C10orf105: variants seen among roughly 807,000 people sequenced by gnomAD.
The protein encoded by C10orf105 is chromosome 10 open reading frame 105, also known as uncharacterized protein C10orf105.
C10orf105 carries 2 observed loss-of-function variants against 0.6 expected under a neutral mutation model. The ratio of observed to expected loss-of-function variants is 3.18; its 90% CI spans 1.30 to 10.01. C10orf105 has a LOEUF of 10.01. Among genes scored for constraint, C10orf105 ranks in the 30% most tolerant of loss-of-function variants. C10orf105 has a pLI of 0.04. For synonymous variants in C10orf105, 95 were observed against 82.4 expected, an observed-to-expected ratio of 1.15 and a Z score of -0.83; for missense variants, 209 against 191.4, an observed-to-expected ratio of 1.09 and a Z score of -0.54.
chr10:71,719,100 A>T (rs1866430259), intron 1 of C10orf105, among the ~76,000 whole-genome samples: 1 of 152,238 alleles, frequency 6.6e-6, no homozygotes, highest in South Asian at 2.1e-4. Flanking sequence ...AATAAAAAAA[A>T]AATAAGTGGA....
intron 1 of C10orf105, among the ~76,000 whole-genome samples, chr10:71,736,215 C>G (rs1371776634): frequency 3.3e-5 from 5 of 152,264 alleles, no homozygotes; most frequent in African/African-American, 1.2e-4. Context: ...GGCCCACCCC[C>G]TTTTGTTCTG....
At chr10:71,720,420 AACAC>A (rs57346519), upstream of C10orf105, among the ~76,000 whole-genome samples, 15 of 145,836 alleles carry the variant, frequency 1.0e-4, no homozygotes, top group South Asian at 1.1e-3. Context: ...CTCTTTCCAA[AACAC>A]ACACACACAC....
At chr10:71,735,438 A>G (rs1230618660) in intron 1 of C10orf105, among the ~76,000 whole-genome samples, 4 of 152,080 alleles carry the variant, frequency 2.6e-5, no homozygotes, top group Non-Finnish European at 5.9e-5. Context: ...TGGGGTTGCA[A>G]TGGGAGTGGG....
rs751046027 is a variant in C10orf105, at chr10:71,725,409, T to G, written c.-5-9067A>C. 5.6e-6 allele frequency: 9 copies of G among 1,614,028 alleles called. No homozygotes were observed. Among genetic ancestry groups the G allele is most frequent in the Admixed American group, 3.3e-5 (2 of 60,034 alleles). ...ACAACTTCCGGATCCATGTCAGCAA[T>G]GGGCTCCTGATGCGAGGGCCCCGGC... On this transcript the variant is annotated intron_variant, in intron 1 of 1. Coordinates refer to the C10orf105 transcript ENST00000398786.
chr10:71,725,026 T>G (rs1866742465), intron 1 of C10orf105, among the ~76,000 whole-genome samples: 1 of 152,072 alleles, frequency 6.6e-6, no homozygotes, highest in African/African-American at 2.4e-5. Flanking sequence ...TCTGAAATAT[T>G]AAAAAGGCCT....
chr10:71,735,756 G>A (rs974154042), intron 1 of C10orf105, among the ~76,000 whole-genome samples: 2 of 152,220 alleles, frequency 1.3e-5, no homozygotes, highest in Admixed American at 1.3e-4. Context: ...CACTGGTTGT[G>A]GCTGGGCCAT....
chr10:71,715,228 C>G lies in C10orf105; in HGVS notation c.*708G>C, dbSNP rs761474522. 1 of 152,356 alleles carries G rather than the reference C, an allele frequency of 6.6e-6. No individual in the cohort carries two copies. Among genetic ancestry groups the G allele is most frequent in the Non-Finnish European group, 1.5e-5 (1 of 68,112 alleles). 9.4% of individuals were successfully genotyped at this position (152,356 alleles called of 1,614,324 possible). ...ACCCGCCCTGGCCTCTGAAGGGAGCCTCCTCGATCATCTTCAATCCCTTCC... is the reference window on the plus strand; with the variant it reads ...ACCCGCCCTGGCCTCTGAAGGGAGCGTCCTCGATCATCTTCAATCCCTTCC... On this transcript the variant is annotated 3_prime_UTR_variant, in exon 2 of 2. Transcript: ENST00000441508.
At chr10:71,737,642 G>A in intron 1 of C10orf105, 1 of 464,662 alleles carries the variant, frequency 2.2e-6, no homozygotes, top group Non-Finnish European at 4.4e-6. Context: ...CTGGGGCAGG[G>A]CAGTGGGAGA....
Position 71,712,492 on chromosome 10 carries a change from A to G in C10orf105, c.*3444T>C, listed in dbSNP as rs1866013178. The G allele has an allele frequency of 1.6e-6, 1 of 632,004 alleles. No homozygotes were observed. Among genetic ancestry groups the G allele is most frequent in the Non-Finnish European group, 2.8e-6 (1 of 358,274 alleles). 39.1% of individuals were successfully genotyped at this position (632,004 alleles called of 1,614,324 possible). On this transcript the variant is annotated 3_prime_UTR_variant, in exon 2 of 2. Coordinates refer to ENST00000441508, the MANE Select transcript of C10orf105 (RefSeq NM_001164375.3). ...GCACATGGTGTTATCTAAGTATTTG[A>G]TACTGTTAGTGTTATTCCTAAGCTA...
chr10:71,735,266 G>A (rs568524228), intron 1 of C10orf105, among the ~76,000 whole-genome samples: 16 of 152,290 alleles, frequency 1.1e-4, no homozygotes, highest in South Asian at 1.0e-3. Context: ...GGGACCATGG[G>A]CACAGGTTGT....
intron 1 of C10orf105, among the ~76,000 whole-genome samples, chr10:71,731,769 C>A (rs1193148912): frequency 2.6e-5 from 4 of 152,204 alleles, no homozygotes; most frequent in South Asian, 2.1e-4. Flanking sequence ...CAAGGCCAAG[C>A]CCCAGAGGAA....
intron 1 of C10orf105, chr10:71,725,299 A>G (rs537765940): frequency 4.4e-6 from 7 of 1,606,972 alleles, no homozygotes; most frequent in African/African-American, 4.0e-5. Flanking sequence ...TCTGCCCCCA[A>G]CCATGGCAGG....
chr10:71,732,099 G>T, intron 1 of C10orf105: 1 of 1,614,002 alleles, frequency 6.2e-7, no homozygotes, highest in Non-Finnish European at 8.5e-7. Flanking sequence ...ACGAGACCAA[G>T]ACCAGCTACA....
intron 1 of C10orf105, chr10:71,730,539 G>A: frequency 6.2e-7 from 1 of 1,613,960 alleles, no homozygotes; most frequent in Non-Finnish European, 8.5e-7. Context: ...AGCCGTCTGG[G>A]GCTTCGAGAG....
chr10:71,720,671 C>T (rs1213816467), upstream of C10orf105, among the ~76,000 whole-genome samples: 5 of 152,198 alleles, frequency 3.3e-5, no homozygotes, highest in African/African-American at 1.2e-4. Flanking sequence ...TCCCTCCTGC[C>T]CTTGCCCATA....
At chr10:71,727,768 T>TGGCACAGCACTGGACA (rs1173721793) in intron 1 of C10orf105, among the ~76,000 whole-genome samples, 1 of 152,174 alleles carries the variant, frequency 6.6e-6, no homozygotes, top group African/African-American at 2.4e-5. Context: ...AGCACTGCAC[T>TGGCACAGCACTGGACA]GGCACAGCAC....
rs541166243 is a variant in C10orf105 at position 71,728,675 on chromosome 10, C to T, written c.-6+9053G>A. Among the ~76,000 whole-genome samples the T allele has an allele frequency of 7.2e-5, 11 of 152,364 alleles. No homozygotes were observed. In the South Asian group the frequency reaches 2.1e-3, roughly 29 times the overall value. Reference sequence around the variant, plus strand: ...CAGCCCCTTCCCCATTTGCTTCCCTCTCTACTTTGCTGGCAAGTTCCTACC... The same window carrying T: ...CAGCCCCTTCCCCATTTGCTTCCCTTTCTACTTTGCTGGCAAGTTCCTACC... On this transcript the variant is annotated intron_variant, in intron 1 of 1. Transcript: ENST00000398786.
At chr10:71,729,521 G>A (rs920947487) in intron 1 of C10orf105, among the ~76,000 whole-genome samples, 1 of 152,206 alleles carries the variant, frequency 6.6e-6, no homozygotes, top group African/African-American at 2.4e-5. Flanking sequence ...CTAGGGGACG[G>A]AAGTTCCCAG....
intron 1 of C10orf105, among the ~76,000 whole-genome samples, chr10:71,719,373 A>T (rs1203709314): frequency 6.6e-6 from 1 of 152,150 alleles, no homozygotes; most frequent in East Asian, 1.9e-4. Flanking sequence ...CTCTGGACAT[A>T]TCTCTGCAAG....
Sources: gnomAD v4.1 joint callset for allele counts (sites outside exome capture counted in the v4.1 genomes callset) on GRCh38, gnomAD v4.1.1 for gene constraint, MANE v1.5 for transcripts, NCBI Gene and HGNC (gene_info 2026-07-23, HGNC 2026-07-21) for gene names.